MAP3K7CL: variants seen among roughly 807,000 people sequenced by gnomAD.
The protein encoded by MAP3K7CL is MAP3K7 C-terminal-like protein.
Under a neutral mutation model 18.6 loss-of-function variants are expected in MAP3K7CL, and 16 were observed. The observed-to-expected ratio is 0.86, with a 90% CI of 0.58 to 1.31. MAP3K7CL has a LOEUF of 1.31. MAP3K7CL is among the 50% of genes most tolerant of loss of function. MAP3K7CL has a pLI of 0.00. For synonymous variants in MAP3K7CL, 65 were observed against 66.8 expected, an observed-to-expected ratio of 0.97 and a Z score of 0.13; for missense variants, 163 against 174.4, an observed-to-expected ratio of 0.93 and a Z score of 0.37.
In MAP3K7CL at chr21:29,174,929, A is replaced by T. The variant is rs1568978240; in HGVS notation, c.*37A>T. ...TCAGTGTGAGCATACGAGGCTGATG[A>T]CTGCCCTGTGCTGGCCAAAAGATTT... is the stretch of plus-strand genomic sequence containing the variant. On this transcript the variant is annotated 3_prime_UTR_variant, in exon 5 of 5. Transcript: ENST00000399928. The T allele has an allele frequency of 1.3e-6, 2 of 1,597,196 alleles. No homozygotes were observed. The highest frequency in any genetic ancestry group is 1.7e-6 in the Non-Finnish European group (2 of 1,169,290).
At chr21:29,159,731 T>C (rs545134321) in intron 3 of MAP3K7CL, among the ~76,000 whole-genome samples, 1 of 152,082 alleles carries the variant, frequency 6.6e-6, no homozygotes, top group East Asian at 1.9e-4. Context: ...CACTGGGAGA[T>C]GAATGTGGAG....
intron 4 of MAP3K7CL, among the ~76,000 whole-genome samples, chr21:29,173,694 T>C (rs1308355478): frequency 6.6e-6 from 1 of 152,160 alleles, no homozygotes; most frequent in Admixed American, 6.5e-5. Context: ...CTGAAGATCT[T>C]TAGCTCATTA....
chr21:29,143,444 C>A (rs544446949), intron 2 of MAP3K7CL, among the ~76,000 whole-genome samples: 2 of 150,200 alleles, frequency 1.3e-5, no homozygotes, highest in African/African-American at 4.9e-5. Flanking sequence ...TTTTTTGAGG[C>A]GGAGTTTCAC....
intron 4 of MAP3K7CL, among the ~76,000 whole-genome samples, chr21:29,117,643 T>C (rs2086524473): frequency 6.6e-6 from 1 of 152,286 alleles, no homozygotes; most frequent in African/African-American, 2.4e-5. Context: ...ATTTGCATGC[T>C]TTCAGGAAGA....
intron 4 of MAP3K7CL, among the ~76,000 whole-genome samples, chr21:29,094,575 T>A (rs2086087737): frequency 6.6e-6 from 1 of 152,186 alleles, no homozygotes; most frequent in Non-Finnish European, 1.5e-5. Context: ...CAAAGTAGTA[T>A]CTTATTAAAT....
At chr21:29,085,545 TAAAAAAAAAAAA>T (rs33938293), upstream of MAP3K7CL, among the ~76,000 whole-genome samples, 1 of 48,988 alleles carries the variant, frequency 2.0e-5, no homozygotes, top group South Asian at 1.4e-3. Flanking sequence ...AGACTCTGTC[TAAAAAAAAAAAA>T]AAAAAAAAAA....
At chr21:29,106,264 A>G (rs955948798) in intron 4 of MAP3K7CL, among the ~76,000 whole-genome samples, 1 of 151,940 alleles carries the variant, frequency 6.6e-6, no homozygotes, top group African/African-American at 2.4e-5. Flanking sequence ...TCAGCTCACC[A>G]CAACCTCTGC....
At position 29,153,178 on chromosome 21, in the gene MAP3K7CL, G is replaced by A. The variant is rs113109254; in HGVS notation, c.132+3928G>A. The stretch of plus-strand genomic sequence containing the variant: ...CATTTCTCTTGATGTCTCTATTAAT[G>A]CAAAATATTGAGCAAGAGACCGCAG... On this transcript the variant is annotated intron_variant, in intron 3 of 4. Transcript: ENST00000399928. 7.6e-3 allele frequency among the ~76,000 whole-genome samples: 1,161 copies of A among 152,310 alleles called. 20 individuals are homozygous for A. The highest frequency in any genetic ancestry group is 0.027 in the African/African-American group (1,114 of 41,562).
At chr21:29,100,080 C>CT (rs1487214758) in intron 4 of MAP3K7CL, among the ~76,000 whole-genome samples, 8 of 99,768 alleles carry the variant, frequency 8.0e-5, no homozygotes, top group African/African-American at 1.6e-4. Context: ...GAGACTCCGT[C>CT]TTTAAAAAAA....
At chr21:29,109,049 C>T (rs945248063) in intron 4 of MAP3K7CL, 16 of 1,532,908 alleles carry the variant, frequency 1.0e-5, no homozygotes, top group African/African-American at 2.7e-5. Flanking sequence ...GGTTGACATT[C>T]GTAACCTTCC....
chr21:29,103,984 A>C (rs1387959676), intron 4 of MAP3K7CL, among the ~76,000 whole-genome samples: 1 of 152,120 alleles, frequency 6.6e-6, no homozygotes, highest in Non-Finnish European at 1.5e-5. Context: ...CTTGCACAGC[A>C]GTAGATACCT....
intron 2 of MAP3K7CL, among the ~76,000 whole-genome samples, chr21:29,141,208 T>G (rs1344865962): frequency 6.6e-6 from 1 of 152,152 alleles, no homozygotes; most frequent in East Asian, 1.9e-4. Context: ...GAATAGGTGT[T>G]TCCAAGAAAC....
rs2146628209 is a variant in MAP3K7CL at position 29,133,237 on chromosome 21, C to T, written c.-39-69C>T. 3 of 1,185,088 alleles carry T rather than the reference C, an allele frequency of 2.5e-6. No homozygotes were observed. The South Asian group carries it at 4.5e-5, about 18-fold the overall frequency. The allele number at this position is 1,185,088 out of a possible 1,614,324, so 73.4% of individuals were successfully genotyped here. ...CCTTAATAACTTCACCTGTAATTTC[C>T]AAGGGCCTCTGAGTATTTAGGGGGA... On this transcript the variant is annotated intron_variant, in intron 1 of 4. Transcript: ENST00000399928.
intron 1 of MAP3K7CL, chr21:29,091,461 ATTTTC>A (rs2086026178): frequency 3.1e-6 from 2 of 650,510 alleles, no homozygotes; most frequent in Non-Finnish European, 5.5e-6. Flanking sequence ...CTGAGTGTAC[ATTTTC>A]TTTTCTTTTT....
chr21:29,100,128 C>G (rs961208905), intron 4 of MAP3K7CL, among the ~76,000 whole-genome samples: 1 of 151,600 alleles, frequency 6.6e-6, no homozygotes, highest in African/African-American at 2.4e-5. Flanking sequence ...CTCCTCCCAC[C>G]TTTGTCCTCT....
At position 29,171,699 on chromosome 21, in the gene MAP3K7CL, C is replaced by G. The variant is rs183475887; in HGVS notation, c.249-3013C>G. Among the ~76,000 whole-genome samples the G allele has an allele frequency of 2.6e-3, 385 of 150,704 alleles. 1 individual carries two copies. Among genetic ancestry groups the G allele is most frequent in the Non-Finnish European group, 3.4e-3 (233 of 67,804 alleles). On this transcript the variant is annotated intron_variant, in intron 4 of 4. Transcript: ENST00000399928. ...GCACACACCTGTAGTCCCAGCTACT[C>G]GCGAGGCTGAGGCAGGAGAATCGCT...
intron 4 of MAP3K7CL, among the ~76,000 whole-genome samples, chr21:29,098,960 G>C (rs1041111113): frequency 6.6e-6 from 1 of 152,208 alleles, no homozygotes; most frequent in Non-Finnish European, 1.5e-5. Flanking sequence ...AGATGCCAAA[G>C]TGGCAGGTAC....
chr21:29,131,605 C>T (rs1381541480), intron 1 of MAP3K7CL: 1 of 152,126 alleles, frequency 6.6e-6, no homozygotes, highest in Non-Finnish European at 1.5e-5. Context: ...CTATTTCTTT[C>T]TAACTTAGAA....
At chr21:29,150,662 T>G (rs2087247660) in intron 3 of MAP3K7CL, among the ~76,000 whole-genome samples, 1 of 151,890 alleles carries the variant, frequency 6.6e-6, no homozygotes, top group African/African-American at 2.4e-5. Flanking sequence ...TCAACCCAGC[T>G]CTCCTGGCTT....
Sources: allele counts gnomAD v4.1 joint callset (sites outside exome capture counted in the v4.1 genomes callset), GRCh38; gene constraint gnomAD v4.1.1; transcripts MANE v1.5; gene names NCBI Gene and HGNC (gene_info 2026-07-23, HGNC 2026-07-21).